COL5A3: variants seen among roughly 807,000 people sequenced by gnomAD.
COL5A3 encodes collagen type V alpha 3 chain, also known as collagen alpha-3(V) chain.
Under a neutral mutation model 250.0 loss-of-function variants are expected in COL5A3, and 172 were observed. The observed-to-expected ratio is 0.69, with a 90% CI of 0.61 to 0.78. The LOEUF (loss-of-function observed/expected upper bound fraction) is 0.78, where lower values mean the gene tolerates loss of function less well. Among genes scored for constraint, COL5A3 ranks in the 30% least tolerant of loss-of-function variants. COL5A3 has a pLI of 0.00. For synonymous variants in COL5A3, 937 were observed against 900.4 expected (o/e 1.04, Z -0.73); for missense variants, 2,340 against 2,334.4 (o/e 1.00, Z -0.05).
chr19:10,005,675 C>G lies in COL5A3; in HGVS notation c.477G>C (p.Val159=). Residue 159 remains valine, a synonymous_variant, in exon 4 of 67, where the codon GTG becomes GTC. Transcript: ENST00000264828. Reference sequence around the variant, plus strand: ...GAGCTTCACAGTCAGCTACCAGGGTCACCATCTCACCATCTATGCTGACGG... The same window carrying G: ...GAGCTTCACAGTCAGCTACCAGGGTGACCATCTCACCATCTATGCTGACGG... The part of the protein sequence containing the change: ...RVAVSIDGEM[V]TLVADCEAQP... 6.2e-7 allele frequency: 1 copy of G among 1,613,360 alleles called. No individual in the cohort carries two copies. Among genetic ancestry groups the G allele is most frequent in the South Asian group, 1.1e-5 (1 of 90,974 alleles).
rs780305207 is a variant in COL5A3, at chr19:10,005,854, C to T, written c.379G>A (p.Gly127Ser). The T allele has an allele frequency of 6.2e-7, 1 of 1,613,706 alleles. No homozygotes were observed. Among genetic ancestry groups the T allele is most frequent in the South Asian group, 1.1e-5 (1 of 91,072 alleles). The stretch of plus-strand genomic sequence containing the variant: ...GGGCGGAAGGGGTCACCTAGGAGAC[C>T]CAGCGCTGGCCCCAGTGCCAGGCCC... Reference protein sequence around the residue: ...QLGLALGPALGLLGDPFRPLP... With the variant: ...QLGLALGPALSLLGDPFRPLP... The change falls in exon 3 of 67, where the codon GGT (glycine) becomes AGT (serine). Residue 127 changes from glycine (G) to serine (S), a missense_variant. Physicochemically the swap from Gly to Ser is moderately conservative, Grantham distance 56 (BLOSUM62 0). This residue lies in a region of COL5A3 where 1,152 missense variants were observed against 1,146.3 expected (regional missense o/e 1.00). Coordinates refer to ENST00000264828, the MANE Select transcript of COL5A3 (RefSeq NM_015719.4).
chr19:9,982,169 G>T (rs1420653035), intron 31 of COL5A3, 51 bp from the exon 32 acceptor site: 7 of 1,323,826 alleles, frequency 5.3e-6, no homozygotes, highest in Non-Finnish European at 7.3e-6. Flanking sequence ...GTGAGTGGTG[G>T]GTGGAATTGG....
chr19:9,977,133 G>A, intron 44 of COL5A3, 96 bp downstream of exon 44: 1 of 1,233,420 alleles, frequency 8.1e-7, no homozygotes, highest in Non-Finnish European at 1.2e-6. Flanking sequence ...AAACTCCATG[G>A]CCTCTCCTAC....
At chr19:9,986,143 A>G (rs1362142155) in intron 30 of COL5A3, among the ~76,000 whole-genome samples, 172 bp downstream of exon 30, 2 of 152,232 alleles carry the variant, frequency 1.3e-5, no homozygotes, top group African/African-American at 4.8e-5. Context: ...ATGGATATGA[A>G]CACATAAGTT....
chr19:10,001,446 CTAAA>C, intron 8 of COL5A3, 74 bp downstream of exon 8: 1 of 1,469,370 alleles, frequency 6.8e-7, no homozygotes, highest in Non-Finnish European at 9.1e-7. Context: ...TGCGCCCTGC[CTAAA>C]TAAATAAATT....
intron 31 of COL5A3, among the ~76,000 whole-genome samples, chr19:9,984,235 CTGG>C: frequency 6.6e-6 from 1 of 152,134 alleles, no homozygotes; most frequent in East Asian, 1.9e-4. Context: ...GTTGGCCAGG[CTGG>C]TGGTGAACTC....
At chr19:10,002,659 A>G (rs1332661336) in intron 6 of COL5A3, among the ~76,000 whole-genome samples, 2 of 152,040 alleles carry the variant, frequency 1.3e-5, no homozygotes, top group African/African-American at 4.8e-5. Flanking sequence ...GTGACTCTCC[A>G]ACTAATAACC....
In COL5A3 at chr19:9,980,865, C is replaced by CA. The variant is rs759066585; in HGVS notation, c.2506-7dup. The CA allele has an allele frequency of 3.3e-3, 4,143 of 1,262,660 alleles. No homozygotes were observed. The highest frequency in any genetic ancestry group is 6.3e-3 in the Admixed American group (269 of 42,908). The allele number at this position is 1,262,660 out of a possible 1,614,324, so 78.2% of individuals were successfully genotyped here. A position where few individuals can be genotyped will look rare whatever the true frequency, so the allele number is the denominator to read the frequency against. Reference sequence around the variant, plus strand: ...CCCCTCTCTCCACGGGAACCCTGAACAAAAAAAAAAGGCAAAGATCAGATA... The same window carrying CA: ...CCCCTCTCTCCACGGGAACCCTGAACAAAAAAAAAAAGGCAAAGATCAGATA... On this transcript the variant is annotated splice_polypyrimidine_tract_variant and splice_region_variant and intron_variant, in intron 33 of 66. Transcript: ENST00000264828.
chr19:9,979,301 GC>G (rs1450763139), intron 38 of COL5A3, 62 bp from the exon 39 acceptor site: 2 of 1,604,490 alleles, frequency 1.2e-6, no homozygotes. Flanking sequence ...CAGGAGTCCA[GC>G]TTTCCCCTAA....
intron 6 of COL5A3, among the ~76,000 whole-genome samples, chr19:10,002,799 CCTAA>C (rs2087383941): frequency 6.6e-6 from 1 of 152,108 alleles, no homozygotes; most frequent in East Asian, 1.9e-4. Flanking sequence ...TCAATGACTT[CCTAA>C]CTAATAATTC....
At chr19:9,970,589 A>G (rs1317659546) in intron 54 of COL5A3, 33 bp downstream of exon 54, 2 of 1,375,708 alleles carry the variant, frequency 1.5e-6, no homozygotes, top group Non-Finnish European at 9.5e-7. Context: ...GCTGTAGATA[A>G]GCTGAGGACC....
At position 9,960,372 on chromosome 19, in the gene COL5A3, T is replaced by C; in HGVS notation, c.*39A>G. Reference sequence around the variant, plus strand: ...AGCCTCAGCACCAAATGCACCCCATTCTGGGGCTCCCTCATGGTCCCTCCC... The same window carrying C: ...AGCCTCAGCACCAAATGCACCCCATCCTGGGGCTCCCTCATGGTCCCTCCC... On this transcript the variant is annotated 3_prime_UTR_variant, in exon 67 of 67. Transcript: ENST00000264828. The C allele has an allele frequency of 1.9e-6, 3 of 1,612,590 alleles. No individual in the cohort carries two copies. Among genetic ancestry groups the C allele is most frequent in the Non-Finnish European group, 2.5e-6 (3 of 1,179,248 alleles).
At chr19:9,981,917 C>A in intron 32 of COL5A3, 148 bp downstream of exon 32, 1 of 686,776 alleles carries the variant, frequency 1.5e-6, no homozygotes, top group South Asian at 1.7e-5. Context: ...CTACATGTGT[C>A]ATGCATTGCA....
chr19:10,003,792 T>A (rs754565906), intron 5 of COL5A3, 78 bp from the exon 6 acceptor site: 8 of 1,574,344 alleles, frequency 5.1e-6, no homozygotes, highest in Non-Finnish European at 6.9e-6. Context: ...GGGGTGAGGC[T>A]GGCTCATGGC....
Position 9,980,877 on chromosome 19 carries a change from G to C in COL5A3, c.2506-18C>G, listed in dbSNP as rs1272535772. 6.2e-7 allele frequency: 1 copy of C among 1,601,552 alleles called. No individual in the cohort carries two copies. The highest frequency in any genetic ancestry group is 8.5e-7 in the Non-Finnish European group (1 of 1,174,420). On this transcript the variant is annotated intron_variant, in intron 33 of 66. Transcript: ENST00000264828. ...CGGGAACCCTGAACAAAAAAAAAAG[G>C]CAAAGATCAGATATGAGGGGGTGGG... is the stretch of plus-strand genomic sequence containing the variant.
At chr19:9,977,305 G>A (rs2086936086) in intron 43 of COL5A3, 23 bp from the exon 44 acceptor site, 4 of 1,613,824 alleles carry the variant, frequency 2.5e-6, no homozygotes, top group Non-Finnish European at 3.4e-6. Flanking sequence ...TGGGATGAAG[G>A]ACCCAGCTTC....
At chr19:10,007,560 TC>T (rs1330706931) in intron 1 of COL5A3, among the ~76,000 whole-genome samples, 1 of 151,964 alleles carries the variant, frequency 6.6e-6, no homozygotes, top group Non-Finnish European at 1.5e-5. Context: ...CCTGTCTGAT[TC>T]CCCCATCCCC....
Position 9,976,593 on chromosome 19 carries a change from C to G in COL5A3, c.3307G>C (p.Gly1103Arg). Residue 1103 changes from glycine (G) to arginine (R), a missense_variant, in exon 45 of 67, where the codon GGG becomes CGG. Physicochemically the swap from Gly to Arg is moderately radical, Grantham distance 125. Coordinates refer to ENST00000264828, the MANE Select transcript of COL5A3 (RefSeq NM_015719.4). Reference sequence around the variant, plus strand: ...GGGTGTCCTGCAGGACCCCGTATCCCTGGTTGTCCAGGTGGGCCCTGGGAG... The same window carrying G: ...GGGTGTCCTGCAGGACCCCGTATCCGTGGTTGTCCAGGTGGGCCCTGGGAG... ...KGDAGPPGQP[G>R]IRGPAGHPGP... 6.4e-7 allele frequency: 1 copy of G among 1,570,580 alleles called. No individual in the cohort carries two copies. Among genetic ancestry groups the G allele is most frequent in the Non-Finnish European group, 8.6e-7 (1 of 1,164,550 alleles).
intron 11 of COL5A3, chr19:9,997,117 G>A (rs978839066): frequency 1.6e-5 from 9 of 580,082 alleles, no homozygotes; most frequent in Non-Finnish European, 2.8e-5. Context: ...AGTCACAACA[G>A]GAGAAAGACA....
Sources: gnomAD v4.1 joint callset for allele counts (sites outside exome capture counted in the v4.1 genomes callset) on GRCh38, gnomAD v4.1.1 for gene constraint, gnomAD v4.1.1 regional missense constraint, MANE v1.5 for transcripts, NCBI Gene and HGNC (gene_info 2026-07-23, HGNC 2026-07-21) for gene names.